Variants in AGBL4 observed in about 807,000 individuals in gnomAD.
AGBL4 encodes the protein AGBL carboxypeptidase 4.
Under a neutral mutation model 66.4 loss-of-function variants are expected in AGBL4, and 58 were observed. That is an observed-to-expected ratio of 0.87 (90% CI 0.71 to 1.09). The LOEUF (loss-of-function observed/expected upper bound fraction) is 1.09, where lower values mean the gene tolerates loss of function less well. Ranked by LOEUF, AGBL4 falls within the 50% of genes least tolerant of loss-of-function variation. The pLI is 0.00. For synonymous variants in AGBL4, 234 were observed against 222.9 expected (o/e 1.05, Z -0.44); for missense variants, 579 against 631.0 (o/e 0.92, Z 0.88).
chr1:49,934,778 G>A (rs1285869579), intron 1 of AGBL4, among the ~76,000 whole-genome samples: 1 of 149,118 alleles, frequency 6.7e-6, no homozygotes, highest in East Asian at 2.0e-4. Context: ...CCCAAAGCTG[G>A]TAGAAGAAAG....
chr1:49,196,663 G>A (rs1370236564), intron 4 of AGBL4, among the ~76,000 whole-genome samples: 1 of 149,866 alleles, frequency 6.7e-6, no homozygotes, highest in African/African-American at 2.5e-5. Flanking sequence ...CTTTTGGTGG[G>A]GTGAGACTTT....
intron 6 of AGBL4, among the ~76,000 whole-genome samples, chr1:48,781,405 C>T (rs1327805384): frequency 1.3e-5 from 2 of 152,204 alleles, no homozygotes; most frequent in South Asian, 2.1e-4. Context: ...TGCCATAGGG[C>T]GCCTCTTCCA....
intron 3 of AGBL4, among the ~76,000 whole-genome samples, chr1:49,573,333 C>T (rs1346990628): frequency 2.0e-5 from 3 of 151,940 alleles, no homozygotes; most frequent in African/African-American, 7.3e-5. Context: ...TATGGTTAGA[C>T]ACAAAAATGC....
intron 4 of AGBL4, among the ~76,000 whole-genome samples, chr1:49,179,589 C>T (rs1057477464): frequency 2.6e-5 from 4 of 151,896 alleles, no homozygotes; most frequent in African/African-American, 9.7e-5. Context: ...GAAGTCAACA[C>T]TAGCAAGGGA....
intron 11 of AGBL4, among the ~76,000 whole-genome samples, chr1:48,580,124 A>T (rs1644717107): frequency 6.6e-6 from 1 of 152,184 alleles, no homozygotes; most frequent in African/African-American, 2.4e-5. Context: ...TTCAGACATG[A>T]GAGCCAGTGG....
At chr1:48,640,358 T>C (rs1365851241) in intron 8 of AGBL4, among the ~76,000 whole-genome samples, 2 of 152,128 alleles carry the variant, frequency 1.3e-5, no homozygotes, top group African/African-American at 4.8e-5. Context: ...CACTCCAACA[T>C]TGTCTACTAT....
chr1:49,808,787 G>T (rs774350396), intron 2 of AGBL4, among the ~76,000 whole-genome samples: 2 of 152,046 alleles, frequency 1.3e-5, no homozygotes, highest in African/African-American at 2.4e-5. Flanking sequence ...TAGATAATTT[G>T]CACATGGGTA....
intron 5 of AGBL4, among the ~76,000 whole-genome samples, chr1:48,873,681 A>G (rs1648919693): frequency 6.6e-6 from 1 of 152,148 alleles, no homozygotes; most frequent in African/African-American, 2.4e-5. Context: ...TCACCAAAAG[A>G]GGTCTTTAGT....
At chr1:49,963,688 G>C (rs1657309107) in intron 1 of AGBL4, among the ~76,000 whole-genome samples, 1 of 151,906 alleles carries the variant, frequency 6.6e-6, no homozygotes, top group African/African-American at 2.4e-5. Context: ...TTTTTCTATC[G>C]GCTACAAAGA....
chr1:49,096,583 G>A (rs1405815760), intron 4 of AGBL4, among the ~76,000 whole-genome samples: 7 of 150,540 alleles, frequency 4.6e-5, no homozygotes, highest in Non-Finnish European at 7.4e-5. Context: ...GCAAACTATC[G>A]CAAGGACAAA....
chr1:49,409,634 A>C (rs1016698370), intron 3 of AGBL4, among the ~76,000 whole-genome samples: 8 of 152,218 alleles, frequency 5.3e-5, no homozygotes, highest in Non-Finnish European at 5.9e-5. Flanking sequence ...GGCGCTGACT[A>C]TCTTTGTCAT....
intron 4 of AGBL4, among the ~76,000 whole-genome samples, chr1:49,074,320 G>A (rs935227227): frequency 7.2e-5 from 11 of 152,188 alleles, no homozygotes; most frequent in African/African-American, 2.7e-4. Flanking sequence ...TGGCTAGGAA[G>A]GGAAATCCCC....
intron 3 of AGBL4, among the ~76,000 whole-genome samples, chr1:49,501,599 C>G (rs1181401042): frequency 6.6e-6 from 1 of 151,848 alleles, no homozygotes. Flanking sequence ...AAAACCAACT[C>G]AGTTTCATTG....
intron 5 of AGBL4, among the ~76,000 whole-genome samples, chr1:48,965,477 T>A (rs1161683465): frequency 6.6e-6 from 1 of 152,206 alleles, no homozygotes; most frequent in Non-Finnish European, 1.5e-5. Context: ...GATGTGGCTT[T>A]TATCCCAGGA....
chr1:48,673,640 CTGGG>C (rs1376014295), intron 6 of AGBL4, among the ~76,000 whole-genome samples: 7,657 of 152,234 alleles, frequency 0.05, 672 homozygotes, highest in African/African-American at 0.18. Flanking sequence ...CTGAATTGTT[CTGGG>C]CTGAGAAAAC....
At chr1:49,957,184 G>A (rs1310660299) in intron 1 of AGBL4, among the ~76,000 whole-genome samples, 6 of 151,916 alleles carry the variant, frequency 3.9e-5, no homozygotes, top group African/African-American at 7.2e-5. Flanking sequence ...TTAAATAAGC[G>A]TTTTAACAAG....
intron 1 of AGBL4, among the ~76,000 whole-genome samples, chr1:49,942,446 C>A (rs1225569963): frequency 6.6e-6 from 1 of 151,914 alleles, no homozygotes; most frequent in African/African-American, 2.4e-5. Flanking sequence ...TATGATAAAC[C>A]TGTAGTAATC....
intron 5 of AGBL4, among the ~76,000 whole-genome samples, chr1:48,999,780 C>A (rs1360342203): frequency 6.6e-6 from 1 of 152,088 alleles, no homozygotes; most frequent in East Asian, 1.9e-4. Context: ...TGCTTTAAAC[C>A]TTTCCCTGAA....
chr1:49,072,708 C>T (rs191429559), intron 4 of AGBL4, among the ~76,000 whole-genome samples: 12 of 152,228 alleles, frequency 7.9e-5, no homozygotes, highest in South Asian at 2.1e-4. Flanking sequence ...GTGAACCTGA[C>T]GATTATGTGT....
Sources: allele counts gnomAD v4.1 joint callset (sites outside exome capture counted in the v4.1 genomes callset), GRCh38; gene constraint gnomAD v4.1.1; transcripts MANE v1.5; gene names NCBI Gene and HGNC (gene_info 2026-07-23, HGNC 2026-07-21).